The following CDK14 variants were observed in gnomAD, a reference collection of about 807,000 sequenced individuals.
CDK14 encodes cyclin dependent kinase 14.
CDK14 carries 34 observed loss-of-function variants against 60.7 expected under a neutral mutation model. The observed-to-expected ratio is 0.56, with a 90% CI of 0.43 to 0.75. CDK14 has a LOEUF of 0.75. Ranked by LOEUF, CDK14 falls within the 30% of genes least tolerant of loss-of-function variation. The pLI is 0.00. For missense variants in CDK14, 482 were observed against 564.1 expected (o/e 0.85, Z 1.47); for synonymous variants, 197 against 203.7 (o/e 0.97, Z 0.28).
At chr7:90,843,368 T>C (rs934989659) in intron 5 of CDK14, among the ~76,000 whole-genome samples, 1 of 152,182 alleles carries the variant, frequency 6.6e-6, no homozygotes, top group African/African-American at 2.4e-5. Context: ...GCAGCTTTAT[T>C]AGAAAATTAA....
At chr7:90,668,699 CTTTTTTTTTTTTTTT>C (rs59773768) in intron 2 of CDK14, among the ~76,000 whole-genome samples, 1 of 87,538 alleles carries the variant, frequency 1.1e-5, no homozygotes, top group African/African-American at 4.3e-5. Context: ...GACTCGCATT[CTTTTTTTTTTTTTTT>C]TTTTTTTTTT....
At chr7:91,152,987 A>G (rs1417635414) in intron 14 of CDK14, among the ~76,000 whole-genome samples, 2 of 152,204 alleles carry the variant, frequency 1.3e-5, no homozygotes, top group Non-Finnish European at 2.9e-5. Flanking sequence ...GCTCTGAAGA[A>G]TTCAAGGGAG....
intron 5 of CDK14, among the ~76,000 whole-genome samples, chr7:90,858,649 G>A (rs771565818): frequency 1.2e-4 from 18 of 152,086 alleles, no homozygotes; most frequent in South Asian, 2.1e-4. Flanking sequence ...AAAAGTTCCC[G>A]TGCAGGCTAG....
intron 9 of CDK14, among the ~76,000 whole-genome samples, chr7:90,981,806 A>ACAAAACAAAG: frequency 6.6e-6 from 1 of 151,862 alleles, no homozygotes; most frequent in Admixed American, 6.6e-5. Flanking sequence ...AGTTCTAGAA[A>ACAAAACAAAG]CAAAACAAAA....
chr7:90,983,321 T>C (rs906600229), intron 9 of CDK14, among the ~76,000 whole-genome samples: 1 of 152,038 alleles, frequency 6.6e-6, no homozygotes, highest in African/African-American at 2.4e-5. Flanking sequence ...CCATCAACAA[T>C]GGACTAGAGA....
intron 4 of CDK14, among the ~76,000 whole-genome samples, chr7:90,775,340 T>G (rs1804975866): frequency 6.6e-6 from 1 of 152,162 alleles, no homozygotes; most frequent in Non-Finnish European, 1.5e-5. Context: ...TGATATGTAG[T>G]ATGTAAGAAT....
intron 13 of CDK14, among the ~76,000 whole-genome samples, chr7:91,117,081 C>T (rs1347198234): frequency 6.9e-6 from 1 of 145,944 alleles, no homozygotes; most frequent in Non-Finnish European, 1.5e-5. Flanking sequence ...TCCATTTGAC[C>T]ATCTAGTAGG....
At chr7:91,179,117 A>G (rs924318820) in intron 14 of CDK14, among the ~76,000 whole-genome samples, 1 of 152,116 alleles carries the variant, frequency 6.6e-6, no homozygotes, top group Non-Finnish European at 1.5e-5. Context: ...CCATGGAACA[A>G]TGATAGACTG....
chr7:90,889,792 C>T lies in CDK14; in HGVS notation c.640-9499C>T, dbSNP rs1441543518. On this transcript the variant is annotated intron_variant, in intron 6 of 14. Transcript: ENST00000380050. ...TGTGTCAAATAAGTCTATACAGGAA[C>T]AGTGGAATACTTGAGAATAACATAT... 4.6e-5 allele frequency among the ~76,000 whole-genome samples: 7 copies of T among 152,236 alleles called. No homozygotes were observed. In the East Asian group the frequency reaches 1.4e-3, roughly 29 times the overall value.
At chr7:91,091,516 T>TATATATATATAA (rs1297777867) in intron 12 of CDK14, among the ~76,000 whole-genome samples, 2 of 141,064 alleles carry the variant, frequency 1.4e-5, no homozygotes, top group African/African-American at 2.7e-5. Context: ...TATATATATA[T>TATATATATATAA]AAATTAGCCA....
intron 14 of CDK14, among the ~76,000 whole-genome samples, chr7:91,130,654 T>C (rs1254191411): frequency 1.3e-5 from 2 of 152,188 alleles, no homozygotes; most frequent in African/African-American, 4.8e-5. Flanking sequence ...TAGTGTACAA[T>C]AGATAAAAAT....
At chr7:90,956,817 A>G (rs372428345) in intron 9 of CDK14, among the ~76,000 whole-genome samples, 47 of 127,686 alleles carry the variant, frequency 3.7e-4, no homozygotes, top group East Asian at 3.2e-3. Flanking sequence ...TCCTGCATCC[A>G]TGTGTTCTCA....
In CDK14 at chr7:90,882,513, A is replaced by G. The variant is rs974975639; in HGVS notation, c.640-16778A>G. Among the ~76,000 whole-genome samples, 84 of 152,174 alleles carry G rather than the reference A, an allele frequency of 5.5e-4. 1 individual carries two copies. Among genetic ancestry groups the G allele is most frequent in the Non-Finnish European group, 7.4e-5 (5 of 68,016 alleles). On this transcript the variant is annotated intron_variant, in intron 6 of 14. Transcript: ENST00000380050. ...ATAGTAGTGGGAAACTTTAACACCC[A>G]TTGTCAATATGAGACAGATCAACAA...
intron 2 of CDK14, among the ~76,000 whole-genome samples, chr7:90,644,720 A>G (rs886796779): frequency 2.6e-5 from 4 of 152,194 alleles, no homozygotes; most frequent in African/African-American, 4.8e-5. Context: ...ATGGGTAACA[A>G]TGTTTCTTGG....
intron 14 of CDK14, among the ~76,000 whole-genome samples, chr7:91,160,780 G>T (rs1246956993): frequency 6.6e-6 from 1 of 151,936 alleles, no homozygotes; most frequent in East Asian, 1.9e-4. Flanking sequence ...GTACATGGAT[G>T]TTATGGGTTT....
intron 13 of CDK14, among the ~76,000 whole-genome samples, chr7:91,115,244 T>C (rs1438218262): frequency 6.6e-6 from 1 of 152,178 alleles, no homozygotes; most frequent in African/African-American, 2.4e-5. Flanking sequence ...CTGGGTGGCT[T>C]AAACAGCAGA....
chr7:90,625,358 A>G (rs1799855623), intron 2 of CDK14, among the ~76,000 whole-genome samples: 2 of 152,182 alleles, frequency 1.3e-5, no homozygotes. Flanking sequence ...GTTATTTTTA[A>G]GTGGAATAAG....
intron 5 of CDK14, among the ~76,000 whole-genome samples, chr7:90,858,745 A>T (rs1337560984): frequency 6.6e-6 from 1 of 152,174 alleles, no homozygotes; most frequent in Non-Finnish European, 1.5e-5. Context: ...GCACCTCAGA[A>T]GACTGGTGCA....
rs556921310 is a variant in CDK14 at position 90,838,094 on chromosome 7, C to T, written c.545-25081C>T. 5.3e-5 allele frequency among the ~76,000 whole-genome samples: 8 copies of T among 152,112 alleles called. No individual in the cohort carries two copies. In the South Asian group the frequency reaches 6.2e-4, roughly 12 times the overall value. ...AGTCAGGGACCCCAAATGGAGGGAC[C>T]GGCTGAAGCTGCGGCAGAAGAACAT... On this transcript the variant is annotated intron_variant, in intron 5 of 14. Coordinates refer to ENST00000380050, the MANE Select transcript of CDK14 (RefSeq NM_001287135.2).
Sources: allele counts gnomAD v4.1 joint callset (sites outside exome capture counted in the v4.1 genomes callset), GRCh38; gene constraint gnomAD v4.1.1; transcripts MANE v1.5; gene names NCBI Gene and HGNC (gene_info 2026-07-23, HGNC 2026-07-21).